The following BTBD9 variants were observed in gnomAD, a reference collection of about 807,000 sequenced individuals.
BTBD9 encodes the protein BTB/POZ domain-containing protein 9.
BTBD9 carries 49 observed loss-of-function variants against 64.3 expected under a neutral mutation model. The observed-to-expected ratio is 0.76, with a 90% CI of 0.61 to 0.97. The LOEUF (loss-of-function observed/expected upper bound fraction) is 0.97, where lower values mean the gene tolerates loss of function less well. Ranked by LOEUF, BTBD9 falls within the 50% of genes least tolerant of loss-of-function variation. The pLI is 0.00. For synonymous variants in BTBD9, 260 were observed against 274.7 expected (o/e 0.95, Z 0.53); for missense variants, 598 against 762.1 (o/e 0.78, Z 2.53).
chr6:38,370,611 C>T (rs1214096772), intron 6 of BTBD9, among the ~76,000 whole-genome samples: 3 of 152,198 alleles, frequency 2.0e-5, no homozygotes, highest in African/African-American at 7.2e-5. Flanking sequence ...AAATTATTTA[C>T]ACAGCTATTC....
rs1776933596 is a variant in BTBD9 at position 38,594,104 on chromosome 6, G to T, written c.409C>A (p.Leu137Ile). ...DSTSEYLCTI[L>I]NIQNVCMTFD... ...GTCATGCAGACATTCTGAATGTTAA[G>T]TATGGTGCAGAGATACTCAGAGGTA... Residue 137 changes from leucine to isoleucine, a missense_variant, in exon 3 of 11, where the codon CTT becomes ATT. Coordinates refer to ENST00000481247, the MANE Select transcript of BTBD9 (RefSeq NM_001099272.2). 1 of 1,614,170 alleles carries T rather than the reference G, an allele frequency of 6.2e-7. No individual in the cohort carries two copies. The highest frequency in any genetic ancestry group is 2.2e-5 in the East Asian group (1 of 44,880).
chr6:38,443,063 T>A (rs192753596), intron 6 of BTBD9, among the ~76,000 whole-genome samples: 1 of 152,178 alleles, frequency 6.6e-6, no homozygotes, highest in Non-Finnish European at 1.5e-5. Context: ...TTCTGCTATG[T>A]TTGTGAAGCA....
intron 5 of BTBD9, among the ~76,000 whole-genome samples, chr6:38,579,298 A>G (rs931512562): frequency 6.6e-6 from 1 of 152,238 alleles, no homozygotes; most frequent in Non-Finnish European, 1.5e-5. Context: ...CTACCTTGTA[A>G]GGTTTGCAGG....
chr6:38,298,107 G>A (rs1267064739), intron 7 of BTBD9, among the ~76,000 whole-genome samples: 2 of 151,262 alleles, frequency 1.3e-5, no homozygotes, highest in Admixed American at 6.6e-5. Flanking sequence ...TGCCCGCCTC[G>A]GCCTCCCAAA....
At chr6:38,346,864 T>C (rs966436156) in intron 6 of BTBD9, among the ~76,000 whole-genome samples, 15 of 152,154 alleles carry the variant, frequency 9.9e-5, no homozygotes, top group African/African-American at 3.6e-4. Flanking sequence ...GTCTGCAACC[T>C]TGGAGGGAAT....
chr6:38,357,293 C>CT (rs1646541322), intron 6 of BTBD9, among the ~76,000 whole-genome samples: 1 of 152,138 alleles, frequency 6.6e-6, no homozygotes. Context: ...AATTCAGTAG[C>CT]TTAGGATTCA....
At chr6:38,569,131 G>A (rs1248159139) in intron 6 of BTBD9, among the ~76,000 whole-genome samples, 5 of 152,188 alleles carry the variant, frequency 3.3e-5, no homozygotes, top group South Asian at 4.1e-4. Flanking sequence ...TGAGAGAAGG[G>A]TTTAGATTTG....
chr6:38,342,106 T>C (rs1274870280), intron 7 of BTBD9, among the ~76,000 whole-genome samples: 3 of 152,154 alleles, frequency 2.0e-5, no homozygotes, highest in African/African-American at 7.2e-5. Context: ...ATAATAACAT[T>C]AGAATCTGAC....
At chr6:38,545,778 CA>C (rs1224870392) in intron 6 of BTBD9, among the ~76,000 whole-genome samples, 32,011 of 68,864 alleles carry the variant, frequency 0.46, 4,321 homozygotes, top group East Asian at 0.5. Context: ...GACTCCGTCT[CA>C]AAAAAAAAAA....
At chr6:38,387,407 C>CA (rs1478148158) in intron 6 of BTBD9, among the ~76,000 whole-genome samples, 2 of 152,114 alleles carry the variant, frequency 1.3e-5, no homozygotes, top group East Asian at 3.9e-4. Flanking sequence ...TGTAGTGGCA[C>CA]ATGCCTGTAA....
At chr6:38,318,184 T>G (rs567676555) in intron 7 of BTBD9, among the ~76,000 whole-genome samples, 1 of 152,326 alleles carries the variant, frequency 6.6e-6, no homozygotes, top group South Asian at 2.1e-4. Context: ...CGTGAGCCAC[T>G]GTGCCCAGCC....
intron 1 of BTBD9, chr6:38,613,053 A>G (rs1049554815): frequency 6.6e-6 from 1 of 152,172 alleles, no homozygotes; most frequent in African/African-American, 2.4e-5. Flanking sequence ...TAAAATATAA[A>G]TTGTATTTCA....
intron 7 of BTBD9, among the ~76,000 whole-genome samples, chr6:38,340,491 T>A (rs1470760328): frequency 6.6e-6 from 1 of 152,196 alleles, no homozygotes; most frequent in Non-Finnish European, 1.5e-5. Context: ...TACTAATAAC[T>A]GCAAGTGATT....
chr6:38,372,479 G>A (rs1196888048), intron 6 of BTBD9, among the ~76,000 whole-genome samples: 1 of 137,276 alleles, frequency 7.3e-6, no homozygotes, highest in Non-Finnish European at 1.6e-5. Context: ...AGAAAATCCC[G>A]CTCCACCAAT....
At chr6:38,340,192 G>A (rs1049323920) in intron 7 of BTBD9, among the ~76,000 whole-genome samples, 5 of 152,164 alleles carry the variant, frequency 3.3e-5, no homozygotes, top group African/African-American at 4.8e-5. Context: ...GTATGTGCAC[G>A]TATTTCCTAG....
chr6:38,490,088 C>T (rs1771636398), intron 6 of BTBD9, among the ~76,000 whole-genome samples: 1 of 152,144 alleles, frequency 6.6e-6, no homozygotes, highest in Non-Finnish European at 1.5e-5. Context: ...AGTGTAAGTC[C>T]CCCAAATCTG....
chr6:38,463,780 C>T (rs73424800), intron 6 of BTBD9, among the ~76,000 whole-genome samples: 2,007 of 152,262 alleles, frequency 0.013, 37 homozygotes, highest in African/African-American at 0.045. Context: ...GCCTATAATC[C>T]CAGCACTTTA....
intron 1 of BTBD9, among the ~76,000 whole-genome samples, chr6:38,633,971 C>G (rs899748597): frequency 6.6e-6 from 1 of 152,152 alleles, no homozygotes; most frequent in Non-Finnish European, 1.5e-5. Context: ...TACATGTGTG[C>G]ACATTCCTTT....
chr6:38,263,947 A>G (rs1764881599), intron 8 of BTBD9, among the ~76,000 whole-genome samples: 1 of 152,224 alleles, frequency 6.6e-6, no homozygotes, highest in Admixed American at 6.5e-5. Context: ...GGCAGTGAGG[A>G]TAGCAATGAT....
Sources: gnomAD v4.1 joint callset for allele counts (sites outside exome capture counted in the v4.1 genomes callset) on GRCh38, gnomAD v4.1.1 for gene constraint, MANE v1.5 for transcripts, NCBI Gene and HGNC (gene_info 2026-07-23, HGNC 2026-07-21) for gene names.